SOX5: variants seen among roughly 807,000 people sequenced by gnomAD.
The protein encoded by SOX5 is transcription factor SOX-5.
Under a neutral mutation model 92.0 loss-of-function variants are expected in SOX5, and 9 were observed. The observed-to-expected ratio is 0.10, with a 90% CI of 0.06 to 0.17. The LOEUF is 0.17. Among genes scored for constraint, SOX5 ranks in the 10% least tolerant of loss-of-function variants. The pLI is 1.00. For missense variants in SOX5, 642 were observed against 944.5 expected (o/e 0.68, Z 4.20); for synonymous variants, 344 against 336.3 (o/e 1.02, Z -0.25).
At chr12:24,228,493 T>C (rs945223848) in intron 3 of SOX5, among the ~76,000 whole-genome samples, 1 of 152,202 alleles carries the variant, frequency 6.6e-6, no homozygotes, top group Non-Finnish European at 1.5e-5. Context: ...CATCTTTTTT[T>C]AAGCTCTATG....
intron 4 of SOX5, among the ~76,000 whole-genome samples, chr12:23,748,592 C>A (rs2094078212): frequency 6.6e-6 from 1 of 151,846 alleles, no homozygotes; most frequent in African/African-American, 2.4e-5. Context: ...AAAAAATGTC[C>A]TAGAAGTTTA....
chr12:24,319,906 C>A (rs1445170725), intron 2 of SOX5, among the ~76,000 whole-genome samples: 2 of 152,186 alleles, frequency 1.3e-5, no homozygotes, highest in Non-Finnish European at 2.9e-5. Flanking sequence ...CCATGATCAG[C>A]CCCATTCCTG....
At chr12:24,486,139 G>T (rs12824861) in intron 1 of SOX5, among the ~76,000 whole-genome samples, 13,203 of 152,012 alleles carry the variant, frequency 0.087, 667 homozygotes, top group South Asian at 0.15. Flanking sequence ...GTCTTTCTGC[G>T]TTGCCCAGGC....
chr12:24,009,812 G>A lies in SOX5; in HGVS notation c.-1-113788C>T, dbSNP rs1330726881. ...GTTTAAATCTGTGCTTGGTCAAAAT[G>A]GTATTGGGTTCCCACCCATCCCTAA... On this transcript the variant is annotated intron_variant, in intron 4 of 4. Transcript: ENST00000446891. Among the ~76,000 whole-genome samples the A allele has an allele frequency of 3.9e-5, 6 of 152,198 alleles. No individual in the cohort carries two copies. The South Asian group carries it at 1.0e-3, about 26-fold the overall frequency.
chr12:24,426,119 G>A (rs1227952659), intron 1 of SOX5, among the ~76,000 whole-genome samples: 1 of 152,186 alleles, frequency 6.6e-6, no homozygotes, highest in Non-Finnish European at 1.5e-5. Context: ...TGGATCACTT[G>A]AGGTCAGGAG....
At chr12:24,305,536 G>T (rs1466329665) in intron 2 of SOX5, among the ~76,000 whole-genome samples, 1 of 152,188 alleles carries the variant, frequency 6.6e-6, no homozygotes, top group African/African-American at 2.4e-5. Flanking sequence ...TTTAATCTTT[G>T]CGAGATTTCT....
At chr12:24,030,804 G>A (rs964789624) in intron 4 of SOX5, among the ~76,000 whole-genome samples, 4 of 151,852 alleles carry the variant, frequency 2.6e-5, no homozygotes, top group Non-Finnish European at 4.4e-5. Flanking sequence ...CTGATAAGTG[G>A]TTAATATTTA....
At chr12:23,711,058 G>A (rs1253115587) in intron 6 of SOX5, among the ~76,000 whole-genome samples, 1 of 152,126 alleles carries the variant, frequency 6.6e-6, no homozygotes, top group Non-Finnish European at 1.5e-5. Flanking sequence ...TGAAAAAAAT[G>A]TATTGTTCCA....
chr12:24,073,924 G>T (rs1942143151), intron 4 of SOX5, among the ~76,000 whole-genome samples: 1 of 151,952 alleles, frequency 6.6e-6, no homozygotes. Context: ...TAATTAATAT[G>T]GAAAAGAGTA....
intron 3 of SOX5, among the ~76,000 whole-genome samples, chr12:23,818,961 T>A (rs1001688716): frequency 6.6e-6 from 1 of 152,178 alleles, no homozygotes; most frequent in Non-Finnish European, 1.5e-5. Flanking sequence ...ATGATAACAA[T>A]GCCTTCTTCT....
intron 13 of SOX5, among the ~76,000 whole-genome samples, chr12:23,539,150 G>A (rs563619871): frequency 6.6e-6 from 1 of 152,168 alleles, no homozygotes; most frequent in Admixed American, 6.6e-5. Context: ...TCTTCCCTAA[G>A]TTTAAATGAT....
chr12:23,542,088 C>A (rs573129851), intron 13 of SOX5, among the ~76,000 whole-genome samples: 2 of 152,132 alleles, frequency 1.3e-5, no homozygotes, highest in East Asian at 3.9e-4. Context: ...CCAGCCTGGG[C>A]GGTAAAGCGA....
chr12:23,887,199 A>G (rs1048544542), intron 2 of SOX5, among the ~76,000 whole-genome samples: 1 of 152,170 alleles, frequency 6.6e-6, no homozygotes, highest in African/African-American at 2.4e-5. Context: ...AAGCCCCAAG[A>G]GGCAACATAT....
chr12:23,882,569 T>C (rs1367835451), intron 2 of SOX5, among the ~76,000 whole-genome samples: 1 of 152,144 alleles, frequency 6.6e-6, no homozygotes, highest in Non-Finnish European at 1.5e-5. Flanking sequence ...AGAAGTATAG[T>C]ATATGAAGCT....
intron 2 of SOX5, among the ~76,000 whole-genome samples, chr12:24,339,874 A>G (rs938704955): frequency 6.6e-6 from 1 of 152,234 alleles, no homozygotes; most frequent in Admixed American, 6.5e-5. Flanking sequence ...ACTTCTGGAA[A>G]GAGGAAATTC....
chr12:24,034,072 CAT>C (rs1955778897), intron 4 of SOX5, among the ~76,000 whole-genome samples: 2 of 151,964 alleles, frequency 1.3e-5, no homozygotes, highest in Admixed American at 1.3e-4. Context: ...TTTAGAGAAA[CAT>C]AACTGTTTTG....
intron 9 of SOX5, among the ~76,000 whole-genome samples, chr12:23,591,289 A>G (rs1951511341): frequency 6.6e-6 from 1 of 152,122 alleles, no homozygotes; most frequent in Non-Finnish European, 1.5e-5. Flanking sequence ...CTAGGGTTCA[A>G]TTAATATTAA....
At chr12:24,346,828 T>C (rs1263216079) in intron 2 of SOX5, among the ~76,000 whole-genome samples, 1 of 149,984 alleles carries the variant, frequency 6.7e-6, no homozygotes, top group African/African-American at 2.5e-5. Flanking sequence ...AATTGAATAA[T>C]GAGAACACTT....
At chr12:24,071,393 A>T (rs981255990) in intron 4 of SOX5, among the ~76,000 whole-genome samples, 1 of 152,172 alleles carries the variant, frequency 6.6e-6, no homozygotes, top group African/African-American at 2.4e-5. Context: ...AGATGTGCCC[A>T]CATTTAAACA....
Sources: allele counts gnomAD v4.1 joint callset (sites outside exome capture counted in the v4.1 genomes callset), GRCh38; gene constraint gnomAD v4.1.1; transcripts MANE v1.5; gene names NCBI Gene and HGNC (gene_info 2026-07-23, HGNC 2026-07-21).